Variants in THSD4 observed in about 807,000 individuals in gnomAD.
THSD4 encodes thrombospondin type 1 domain containing 4, also known as thrombospondin type-1 domain-containing protein 4.
THSD4 carries 69 observed loss-of-function variants against 119.0 expected under a neutral mutation model. The observed-to-expected ratio is 0.58, with a 90% CI of 0.48 to 0.71. The LOEUF (loss-of-function observed/expected upper bound fraction) is 0.71, where lower values mean the gene tolerates loss of function less well. THSD4 is among the 30% of genes least tolerant of loss of function. The pLI, the probability that THSD4 is intolerant of heterozygous loss-of-function variation, is 0.00. For missense variants in THSD4, 1,393 were observed against 1,391.1 expected (o/e 1.00, Z -0.02); for synonymous variants, 524 against 540.4 (o/e 0.97, Z 0.42).
intron 7 of THSD4, among the ~76,000 whole-genome samples, chr15:71,485,950 C>T (rs1595815324): frequency 6.6e-6 from 1 of 152,164 alleles, no homozygotes; most frequent in Admixed American, 6.5e-5. Flanking sequence ...GGAATAGCTC[C>T]CCCTTTGCAG....
chr15:71,358,649 C>T (rs2045854157), intron 6 of THSD4, among the ~76,000 whole-genome samples: 1 of 152,218 alleles, frequency 6.6e-6, no homozygotes, highest in Admixed American at 6.5e-5. Context: ...ATAGGATTTA[C>T]CTCTGGTTGC....
At chr15:71,744,992 C>T in intron 11 of THSD4, 114 bp from the exon 12 acceptor site, 1 of 1,374,532 alleles carries the variant, frequency 7.3e-7, no homozygotes, top group Admixed American at 2.1e-5. Flanking sequence ...GTGAATTGTC[C>T]TCACTGTTTC....
intron 7 of THSD4, among the ~76,000 whole-genome samples, chr15:71,595,927 G>A (rs1032274889): frequency 2.0e-5 from 3 of 152,212 alleles, no homozygotes; most frequent in African/African-American, 7.2e-5. Context: ...ACATCGATTT[G>A]ACTGAGAGAC....
intron 3 of THSD4, among the ~76,000 whole-genome samples, chr15:71,170,363 C>G (rs2043345227): frequency 6.6e-6 from 1 of 152,136 alleles, no homozygotes. Flanking sequence ...TGAAAAAGAA[C>G]AGTGCCCAGC....
chr15:71,188,078 C>T (rs2043629569), intron 3 of THSD4, among the ~76,000 whole-genome samples: 1 of 152,164 alleles, frequency 6.6e-6, no homozygotes, highest in African/African-American at 2.4e-5. Flanking sequence ...GGTTGCCCTA[C>T]TCATGTCTGT....
intron 7 of THSD4, 185 bp from the exon 8 acceptor site, chr15:71,660,345 A>T: frequency 1.5e-6 from 1 of 646,164 alleles, no homozygotes; most frequent in South Asian, 1.9e-5. Context: ...ATCATTTACC[A>T]CCACCAAACA....
At chr15:71,629,992 C>T (rs1176061834) in intron 7 of THSD4, among the ~76,000 whole-genome samples, 1 of 152,126 alleles carries the variant, frequency 6.6e-6, no homozygotes, top group Non-Finnish European at 1.5e-5. Flanking sequence ...TCTCTCTTGG[C>T]CGGCTTTGCT....
intron 6 of THSD4, chr15:71,341,568 T>TA (rs1401756249): frequency 2.5e-6 from 4 of 1,607,254 alleles, no homozygotes; most frequent in Non-Finnish European, 3.4e-6. Flanking sequence ...GTGACATCTT[T>TA]CAGATACTTC....
chr15:71,139,274 A>G (rs192877676), intron 1 of THSD4, among the ~76,000 whole-genome samples: 1 of 152,282 alleles, frequency 6.6e-6, no homozygotes, highest in Admixed American at 6.5e-5. Flanking sequence ...CCCATGGTTC[A>G]TCTCCCAGAC....
chr15:71,436,304 A>G (rs2047012705), intron 7 of THSD4, among the ~76,000 whole-genome samples: 1 of 152,202 alleles, frequency 6.6e-6, no homozygotes, highest in Non-Finnish European at 1.5e-5. Flanking sequence ...CGAAGGAAAA[A>G]ACAAAGACTA....
intron 7 of THSD4, among the ~76,000 whole-genome samples, chr15:71,571,865 C>G (rs1480219220): frequency 6.6e-6 from 1 of 152,244 alleles, no homozygotes; most frequent in Non-Finnish European, 1.5e-5. Flanking sequence ...TGGCCACAAA[C>G]AGCTTATCTT....
intron 8 of THSD4, among the ~76,000 whole-genome samples, chr15:71,701,351 T>C (rs1475079209): frequency 2.0e-5 from 3 of 152,172 alleles, no homozygotes; most frequent in Non-Finnish European, 4.4e-5. Flanking sequence ...AAATTTAAAA[T>C]GATGGTAAAA....
chr15:71,230,102 C>T (rs535811803), intron 4 of THSD4, among the ~76,000 whole-genome samples: 23 of 152,252 alleles, frequency 1.5e-4, no homozygotes, highest in African/African-American at 5.5e-4. Flanking sequence ...GGGTCAGCCT[C>T]TAGGGCAGAG....
At chr15:71,391,231 G>A (rs879765901) in intron 6 of THSD4, among the ~76,000 whole-genome samples, 8 of 152,100 alleles carry the variant, frequency 5.3e-5, no homozygotes, top group East Asian at 3.9e-4. Flanking sequence ...GGGTTTCACC[G>A]TGTTAGCCAG....
intron 7 of THSD4, among the ~76,000 whole-genome samples, chr15:71,615,977 C>T (rs2050312530): frequency 6.6e-6 from 1 of 152,172 alleles, no homozygotes; most frequent in African/African-American, 2.4e-5. Flanking sequence ...TCCTTGAGAG[C>T]AGAAATTGTG....
chr15:71,638,616 A>G (rs2050796278), intron 7 of THSD4, among the ~76,000 whole-genome samples: 1 of 152,248 alleles, frequency 6.6e-6, no homozygotes, highest in Non-Finnish European at 1.5e-5. Flanking sequence ...TTTTGAATGA[A>G]GACATATCAG....
intron 1 of THSD4, among the ~76,000 whole-genome samples, chr15:71,131,962 C>A (rs1324543573): frequency 6.6e-6 from 1 of 152,226 alleles, no homozygotes; most frequent in Non-Finnish European, 1.5e-5. Flanking sequence ...ATGTTCCCGA[C>A]AACCTGCATC....
intron 7 of THSD4, among the ~76,000 whole-genome samples, chr15:71,465,759 AT>A (rs2047490364): frequency 6.6e-6 from 1 of 152,212 alleles, no homozygotes; most frequent in South Asian, 2.1e-4. Context: ...TTTGTAAAGC[AT>A]GCAATATCAG....
At chr15:71,587,763 T>TA (rs1424749424) in intron 7 of THSD4, among the ~76,000 whole-genome samples, 3 of 60,438 alleles carry the variant, frequency 5.0e-5, no homozygotes, top group African/African-American at 1.6e-4. Context: ...CCCTAAAACT[T>TA]AGAGTATAAT....
Sources: allele counts gnomAD v4.1 joint callset (sites outside exome capture counted in the v4.1 genomes callset), GRCh38; gene constraint gnomAD v4.1.1; transcripts MANE v1.5; gene names NCBI Gene and HGNC (gene_info 2026-07-23, HGNC 2026-07-21).